COL27A1: variants seen among roughly 807,000 people sequenced by gnomAD.
COL27A1 encodes the protein collagen type XXVII alpha 1 chain.
In COL27A1, 106 loss-of-function variants were observed where a neutral mutation model predicts 251.3. The observed-to-expected ratio is 0.42, with a 90% CI of 0.36 to 0.50. The LOEUF (loss-of-function observed/expected upper bound fraction) is 0.50. Ranked by LOEUF, COL27A1 falls within the 20% of genes least tolerant of loss-of-function variation. The pLI is 0.00. For missense variants in COL27A1, 2,325 were observed against 2,522.8 expected (o/e 0.92, Z 1.68); for synonymous variants, 1,000 against 986.3 (o/e 1.01, Z -0.26).
At chr9:114,280,282 A>G (rs905552027) in intron 37 of COL27A1, among the ~76,000 whole-genome samples, 2 of 151,748 alleles carry the variant, frequency 1.3e-5, no homozygotes. Context: ...TGCTCACTGC[A>G]ATCTCCACCT....
intron 28 of COL27A1, among the ~76,000 whole-genome samples, chr9:114,259,022 C>T (rs1262007736): frequency 6.6e-6 from 1 of 152,210 alleles, no homozygotes; most frequent in Non-Finnish European, 1.5e-5. Flanking sequence ...ACAGGGTCAT[C>T]AGCACATGGA....
chr9:114,284,218 C>T (rs989108176), intron 40 of COL27A1, among the ~76,000 whole-genome samples: 4 of 152,234 alleles, frequency 2.6e-5, no homozygotes, highest in African/African-American at 9.6e-5. Context: ...GGCCTGACCA[C>T]TTCAGTTTGG....
chr9:114,266,712 C>A, intron 33 of COL27A1, 94 bp downstream of exon 33: 1 of 1,164,168 alleles, frequency 8.6e-7, no homozygotes, highest in Non-Finnish European at 1.3e-6. Flanking sequence ...TTCTGCCATT[C>A]CCTGTCCTGG....
At chr9:114,281,866 A>T (rs1374168554) in intron 37 of COL27A1, among the ~76,000 whole-genome samples, 2 of 152,180 alleles carry the variant, frequency 1.3e-5, no homozygotes, top group Admixed American at 6.5e-5. Flanking sequence ...CCTAATGTTC[A>T]AGGTCGTTGG....
intron 37 of COL27A1, among the ~76,000 whole-genome samples, chr9:114,278,891 C>A (rs542826965): frequency 2.6e-4 from 39 of 152,136 alleles, no homozygotes; most frequent in African/African-American, 9.2e-4. Flanking sequence ...TATGAGCCAT[C>A]GGGGCCTTTC....
chr9:114,298,458 C>A (rs1828398768), intron 49 of COL27A1, among the ~76,000 whole-genome samples: 1 of 152,164 alleles, frequency 6.6e-6, no homozygotes, highest in Non-Finnish European at 1.5e-5. Context: ...AAACTTATTA[C>A]AAAAGTATAG....
Position 114,206,326 on chromosome 9 carries a change from G to A in COL27A1, c.2268+30G>A, listed in dbSNP as rs771486920. Reference sequence around the variant, plus strand: ...GTGGTTCCTGGCCAGTGCCACATGGGTGGGGTTCTAGGTGAGCATCACCTG... The same window carrying A: ...GTGGTTCCTGGCCAGTGCCACATGGATGGGGTTCTAGGTGAGCATCACCTG... On this transcript the variant is annotated intron_variant, in intron 10 of 60. Transcript: ENST00000356083. The A allele has an allele frequency of 2.5e-6, 4 of 1,612,818 alleles. No homozygotes were observed. In the Admixed American group the frequency reaches 5.0e-5, roughly 20 times the overall value.
At chr9:114,209,056 A>G (rs1354036737) in intron 10 of COL27A1, among the ~76,000 whole-genome samples, 1 of 152,168 alleles carries the variant, frequency 6.6e-6, no homozygotes, top group African/African-American at 2.4e-5. Flanking sequence ...CAGCTCCACT[A>G]CTGACTAGTC....
rs1042502743 is a variant in COL27A1, at chr9:114,156,086, G to C, written c.62+74G>C. ...ATCTCGGGGAGGGCCGGGGTTCCCCGCCATGCGGTCGCTTCCAGCGGAACG... is the reference window on the plus strand; with the variant it reads ...ATCTCGGGGAGGGCCGGGGTTCCCCCCCATGCGGTCGCTTCCAGCGGAACG... On this transcript the variant is annotated intron_variant, in intron 1 of 60. Transcript: ENST00000356083. 8 of 1,289,686 alleles carry C rather than the reference G, an allele frequency of 6.2e-6. No individual in the cohort carries two copies. The African/African-American group carries it at 1.2e-4, about 20-fold the overall frequency. The allele number at this position is 1,289,686 out of a possible 1,614,324, so 79.9% of individuals were successfully genotyped here.
intron 35 of COL27A1, among the ~76,000 whole-genome samples, chr9:114,270,169 T>C (rs760017584): frequency 2.6e-5 from 4 of 152,164 alleles, no homozygotes; most frequent in Non-Finnish European, 4.4e-5. Flanking sequence ...CTCACATGGT[T>C]GCCAGGTATG....
In COL27A1 at chr9:114,290,260, G is replaced by A; in HGVS notation, c.4297G>A (p.Gly1433Arg). ...QGLPGPRGVV[G>R]RQGLEGIAGP... ...GCTGCCAGGGCCCCGGGGCGTGGTG[G>A]GGAGACAGGGCCTCGAGGGCATCGC... The change falls in exon 47 of 61, where the codon GGG becomes AGG. Residue 1433 changes from glycine (G) to arginine (R), a missense_variant. Around this residue, in one of 4 missense-constraint regions of COL27A1, gnomAD observed 153 missense variants for 140.7 expected, o/e 1.09. Transcript: ENST00000356083. The surrounding 1 kb of genome is among the most constrained non-coding windows in gnomAD (Gnocchi z 4.6). 1 of 1,577,066 alleles carries A rather than the reference G, an allele frequency of 6.3e-7. No individual in the cohort carries two copies. Among genetic ancestry groups the A allele is most frequent in the South Asian group, 1.2e-5 (1 of 86,488 alleles).
At chr9:114,288,389 C>G in intron 41 of COL27A1, 66 bp from the exon 42 acceptor site, 1 of 1,525,716 alleles carries the variant, frequency 6.6e-7, no homozygotes, top group Non-Finnish European at 9.0e-7. Context: ...AAGCGCTTTC[C>G]GTCTGGAATT....
rs1830944657 is a variant in COL27A1 at position 114,219,673 on chromosome 9, C to G, written c.2368-118C>G. The G allele has an allele frequency of 5.4e-6, 4 of 734,126 alleles. No homozygotes were observed. In the Admixed American group the frequency reaches 7.9e-5, roughly 15 times the overall value. 45.5% of individuals were successfully genotyped at this position (734,126 alleles called of 1,614,324 possible). A position where few individuals can be genotyped will look rare whatever the true frequency, so the allele number is the denominator to read the frequency against. ...CAGGACCGCACTGTCTGCCCATGAC[C>G]AAGGAGTGAGACTGCTTGGACATTG... On this transcript the variant is annotated intron_variant, in intron 12 of 60. Coordinates refer to ENST00000356083, the MANE Select transcript of COL27A1 (RefSeq NM_032888.4).
intron 12 of COL27A1, among the ~76,000 whole-genome samples, chr9:114,216,631 T>C (rs1041068117): frequency 3.3e-5 from 5 of 152,162 alleles, no homozygotes; most frequent in Non-Finnish European, 5.9e-5. Context: ...TCGGGTCCTT[T>C]CATCCTTAGA....
chr9:114,302,594 G>A (rs1828726013), intron 56 of COL27A1, among the ~76,000 whole-genome samples: 1 of 151,926 alleles, frequency 6.6e-6, no homozygotes, highest in South Asian at 2.1e-4. Context: ...GGTGTGGTGG[G>A]TGGCACCTGT....
intron 5 of COL27A1, among the ~76,000 whole-genome samples, chr9:114,193,572 T>C (rs1318351038): frequency 6.6e-6 from 1 of 152,100 alleles, no homozygotes; most frequent in Admixed American, 6.6e-5. Flanking sequence ...CTTGAGGCCC[T>C]AGACAGTCCC....
intron 14 of COL27A1, among the ~76,000 whole-genome samples, chr9:114,228,669 C>T (rs2135419939): frequency 6.6e-6 from 1 of 152,346 alleles, no homozygotes; most frequent in Non-Finnish European, 1.5e-5. Flanking sequence ...GACTGATCTT[C>T]ATGGGCTGTG....
At position 114,155,986 on chromosome 9, in the gene COL27A1, A is replaced by G. The variant is rs982589829; in HGVS notation, c.36A>G (p.Thr12=). 675 of 1,290,864 alleles carry G rather than the reference A, an allele frequency of 5.2e-4. 1 individual carries two copies. The highest frequency in any genetic ancestry group is 6.4e-4 in the Non-Finnish European group (651 of 1,016,528). The allele number at this position is 1,290,864 out of a possible 1,614,324, so 80.0% of individuals were successfully genotyped here. ...GAGSARGARG[T]AAAAAARGGG... ...GATCGGCGCGGGGGGCCCGAGGCAC[A>G]GCGGCGGCGGCGGCGGCGCGCGGGG... Residue 12 remains threonine (T), a synonymous_variant, in exon 1 of 61, where the codon ACA becomes ACG. Transcript: ENST00000356083. The surrounding 1 kb of genome is among the most constrained non-coding windows in gnomAD (Gnocchi z 5.5).
intron 28 of COL27A1, among the ~76,000 whole-genome samples, chr9:114,261,146 T>C (rs1318762036): frequency 6.6e-6 from 1 of 152,144 alleles, no homozygotes; most frequent in Non-Finnish European, 1.5e-5. Flanking sequence ...CAGCACGTGA[T>C]GGTGTGTGCT....
Sources: allele counts gnomAD v4.1 joint callset (sites outside exome capture counted in the v4.1 genomes callset), GRCh38; gene constraint gnomAD v4.1.1; regional missense constraint gnomAD v4.1.1; non-coding constraint Gnocchi (gnomAD v3.1); transcripts MANE v1.5; gene names NCBI Gene and HGNC (gene_info 2026-07-23, HGNC 2026-07-21).